Variants in VPS35L observed in about 807,000 individuals in gnomAD.
VPS35L encodes VPS35 endosomal protein sorting factor like.
In VPS35L, 83 loss-of-function variants were observed where a neutral mutation model predicts 133.0. The observed-to-expected ratio is 0.62, with a 90% CI of 0.52 to 0.75. The LOEUF (loss-of-function observed/expected upper bound fraction) is 0.75. VPS35L is among the 30% of genes least tolerant of loss of function. VPS35L has a pLI of 0.00. For synonymous variants in VPS35L, 423 were observed against 449.9 expected (o/e 0.94, Z 0.76); for missense variants, 1,083 against 1,206.8 (o/e 0.90, Z 1.52).
At chr16:19,561,655 A>G (rs1467125259) in intron 1 of VPS35L, among the ~76,000 whole-genome samples, 1 of 152,044 alleles carries the variant, frequency 6.6e-6, no homozygotes, top group Non-Finnish European at 1.5e-5. Context: ...GGATGAATTT[A>G]AGGGACTTGG....
chr16:19,700,541 C>CGTAAGAGTTCAGGGCAG lies in VPS35L; in HGVS notation c.*65_*66insGTAAGAGTTCAGGGCAG. 7.5e-7 allele frequency: 1 copy of CGTAAGAGTTCAGGGCAG among 1,334,094 alleles called. No individual in the cohort carries two copies. Among genetic ancestry groups the CGTAAGAGTTCAGGGCAG allele is most frequent in the Non-Finnish European group, 1.1e-6 (1 of 938,120 alleles). 82.6% of individuals were successfully genotyped at this position (1,334,094 alleles called of 1,614,324 possible). On this transcript the variant is annotated 3_prime_UTR_variant, in exon 31 of 31. Transcript: ENST00000417362. Reference sequence around the variant, plus strand: ...AATCCAGAAAGATCTGCTCTGCTGCCCTGAACTCTTACGGCAATTTAGGTT... The same window carrying CGTAAGAGTTCAGGGCAG: ...AATCCAGAAAGATCTGCTCTGCTGCCGTAAGAGTTCAGGGCAGCTGAACTCTTACGGCAATTTAGGTT...
At chr16:19,644,852 C>T (rs370243482) in intron 22 of VPS35L, 34 bp from the exon 23 acceptor site, 19 of 1,461,534 alleles carry the variant, frequency 1.3e-5, no homozygotes, top group Admixed American at 1.8e-5. Context: ...CATCTATTAC[C>T]TCCGTGTTAA....
intron 27 of VPS35L, among the ~76,000 whole-genome samples, chr16:19,679,468 ATTATTTATTTATTTATTTATTTAT>A (rs139152185): frequency 2.4e-5 from 3 of 123,134 alleles, no homozygotes; most frequent in Non-Finnish European, 3.3e-5. Flanking sequence ...GTTAAGAACA[ATTATTTATTTATTTATTTATTTAT>A]TTATTTATTT....
intron 15 of VPS35L, 45 bp downstream of exon 15, chr16:19,626,268 TG>T (rs1973258957): frequency 1.4e-6 from 2 of 1,440,500 alleles, no homozygotes; most frequent in East Asian, 4.6e-5. Flanking sequence ...AAAATGGCGT[TG>T]GCTGCTATTT....
At position 19,601,722 on chromosome 16, in the gene VPS35L, A is replaced by G. The variant is rs1372423925; in HGVS notation, c.783A>G (p.Pro261=). The G allele has an allele frequency of 1.9e-6, 3 of 1,613,990 alleles. No individual in the cohort carries two copies. The highest frequency in any genetic ancestry group is 2.5e-6 in the Non-Finnish European group (3 of 1,179,998). The change falls in exon 9 of 31, where the codon CCA becomes CCG. Residue 261 remains proline, a splice_region_variant and synonymous_variant. Transcript: ENST00000417362. ...GTGTGGATAGCCGCAGCGTCTTACC[A>G]GGTAATGTCGCAGCTGTTCCTGGGG... ...SMCVDSRSVL[P]DHFSPENAND... is the part of the protein sequence containing the mutation.
Position 19,648,474 on chromosome 16 carries a change from G to C in VPS35L, c.2028+592G>C, listed in dbSNP as rs112801604. ...CTAACCAGAAGGAGCCCCTTCTTAC[G>C]TAACAAGAGGTTCCCTACTTTCTTG... On this transcript the variant is annotated intron_variant, in intron 24 of 30. Transcript: ENST00000417362. Among the ~76,000 whole-genome samples the C allele has an allele frequency of 4.6e-4, 70 of 152,234 alleles. 1 individual carries two copies. Among genetic ancestry groups the C allele is most frequent in the African/African-American group, 1.4e-3 (59 of 41,540 alleles).
intron 8 of VPS35L, among the ~76,000 whole-genome samples, chr16:19,597,185 A>C (rs1213247297): frequency 2.0e-5 from 3 of 152,086 alleles, no homozygotes; most frequent in Non-Finnish European, 4.4e-5. Context: ...CCTGGGCAGC[A>C]TAGCAAAACC....
At chr16:19,588,673 A>C (rs987805545) in intron 7 of VPS35L, among the ~76,000 whole-genome samples, 1 of 152,144 alleles carries the variant, frequency 6.6e-6, no homozygotes, top group Admixed American at 6.6e-5. Flanking sequence ...TTTCTGATGC[A>C]TAAATTTTGC....
intron 27 of VPS35L, 68 bp downstream of exon 27, chr16:19,669,367 C>A (rs1974802258): frequency 1.3e-6 from 2 of 1,495,376 alleles, no homozygotes; most frequent in African/African-American, 2.8e-5. Context: ...TATATGTGTT[C>A]TTAGGCCTAA....
chr16:19,677,697 C>T (rs1283522882), intron 27 of VPS35L, among the ~76,000 whole-genome samples: 1 of 152,182 alleles, frequency 6.6e-6, no homozygotes, highest in Non-Finnish European at 1.5e-5. Context: ...CTGAGAGAAA[C>T]AGCAAGCTGG....
At chr16:19,683,219 G>C (rs568459479) in intron 28 of VPS35L, among the ~76,000 whole-genome samples, 28 of 152,202 alleles carry the variant, frequency 1.8e-4, no homozygotes, top group African/African-American at 6.7e-4. Flanking sequence ...CACCACACCT[G>C]GCCTTCCCTT....
intron 2 of VPS35L, among the ~76,000 whole-genome samples, chr16:19,566,216 C>T (rs1971184155): frequency 6.6e-6 from 1 of 152,162 alleles, no homozygotes; most frequent in African/African-American, 2.4e-5. Context: ...AAATTCTTGG[C>T]CGGGCTCCAT....
At chr16:19,590,409 T>C (rs1441042095) in intron 7 of VPS35L, among the ~76,000 whole-genome samples, 5 of 152,160 alleles carry the variant, frequency 3.3e-5, no homozygotes, top group African/African-American at 1.2e-4. Context: ...TTAAATGACA[T>C]TTTTCTTTCT....
chr16:19,658,441 A>G, intron 26 of VPS35L, among the ~76,000 whole-genome samples: 1 of 152,052 alleles, frequency 6.6e-6, no homozygotes, highest in East Asian at 1.9e-4. Flanking sequence ...GAGGCAGGAG[A>G]ATCGCTTGAG....
intron 20 of VPS35L, among the ~76,000 whole-genome samples, chr16:19,637,942 A>C (rs919492076): frequency 6.6e-6 from 1 of 152,132 alleles, no homozygotes; most frequent in Non-Finnish European, 1.5e-5. Flanking sequence ...CCTTCAAAAC[A>C]CTTTGGACAG....
At chr16:19,608,395 G>A (rs915556632) in intron 10 of VPS35L, 121 bp downstream of exon 10, 29 of 761,098 alleles carry the variant, frequency 3.8e-5, no homozygotes, top group African/African-American at 5.3e-5. Flanking sequence ...GTCCCGTTAC[G>A]GTTGCTAGCC....
At chr16:19,558,492 C>G (rs1178170737) in intron 1 of VPS35L, among the ~76,000 whole-genome samples, 2 of 152,218 alleles carry the variant, frequency 1.3e-5, no homozygotes, top group African/African-American at 4.8e-5. Context: ...TGTCATGGGT[C>G]TCCCCAGGAA....
chr16:19,649,408 C>G (rs1974056125), intron 24 of VPS35L, among the ~76,000 whole-genome samples: 1 of 152,180 alleles, frequency 6.6e-6, no homozygotes, highest in South Asian at 2.1e-4. Flanking sequence ...TTTACATTCA[C>G]TGTTTTTTAC....
chr16:19,588,191 T>G (rs867467520), intron 7 of VPS35L, among the ~76,000 whole-genome samples: 34 of 95,880 alleles, frequency 3.5e-4, no homozygotes, highest in Admixed American at 1.5e-3. Context: ...ATGTATGTAT[T>G]TATTTATTGA....
Sources: allele counts gnomAD v4.1 joint callset (sites outside exome capture counted in the v4.1 genomes callset), GRCh38; gene constraint gnomAD v4.1.1; transcripts MANE v1.5; gene names NCBI Gene and HGNC (gene_info 2026-07-23, HGNC 2026-07-21).